AASDH: variants seen among roughly 807,000 people sequenced by gnomAD.
AASDH encodes the protein aminoadipate-semialdehyde dehydrogenase.
A neutral mutation model predicts 102.3 loss-of-function variants in AASDH; 81 were observed. That is an observed-to-expected ratio of 0.79 (90% CI 0.66 to 0.95). The LOEUF (loss-of-function observed/expected upper bound fraction) is 0.95. Among genes scored for constraint, AASDH ranks in the 40% least tolerant of loss-of-function variants. The probability of loss-of-function intolerance (pLI) is 0.00; values close to 1 mark genes in which losing one functional copy is unlikely to be tolerated. For synonymous variants in AASDH, 398 were observed against 454.0 expected, an observed-to-expected ratio of 0.88 and a Z score of 1.57; for missense variants, 1,203 against 1,266.2, an observed-to-expected ratio of 0.95 and a Z score of 0.76.
At chr4:56,363,621 T>G (rs935143002) in intron 5 of AASDH, among the ~76,000 whole-genome samples, 5 of 152,116 alleles carry the variant, frequency 3.3e-5, no homozygotes, top group Admixed American at 6.5e-5. Context: ...GGGTCTGGAG[T>G]GGACCTCCAG....
intron 1 of AASDH, among the ~76,000 whole-genome samples, 170 bp from the exon 2 acceptor site, chr4:56,384,511 GGTTGAAAATTAACTT>G (rs1231049950): frequency 1.3e-5 from 2 of 152,088 alleles, no homozygotes; most frequent in African/African-American, 4.8e-5. Context: ...AGGACAATGA[GGTTGAAAATTAACTT>G]GATACATCAA....
chr4:56,350,004 A>G lies in AASDH; in HGVS notation c.1747T>C (p.Leu583=). The G allele has an allele frequency of 6.2e-7, 1 of 1,610,070 alleles. No homozygotes were observed. Among genetic ancestry groups the G allele is most frequent in the Non-Finnish European group, 8.5e-7 (1 of 1,179,770 alleles). Residue 583 remains leucine, a synonymous_variant, in exon 11 of 15, where the codon TTA becomes CTA. Coordinates refer to ENST00000205214, the MANE Select transcript of AASDH (RefSeq NM_181806.4). ...TTTAAGGAATCTCCACCACTATTTA[A>G]GAAGAGTGACTCATCAGGAACCCTC... ...LLRVPDESLF[L]NSGGDSLKSI... is the part of the protein sequence containing the mutation.
At chr4:56,380,143 G>A (rs55778537) in intron 3 of AASDH, among the ~76,000 whole-genome samples, 1 of 152,076 alleles carries the variant, frequency 6.6e-6, no homozygotes, top group Non-Finnish European at 1.5e-5. Flanking sequence ...GTTAGAAAGG[G>A]TCTATGAGCA....
chr4:56,345,980 A>C (rs1368353953), intron 11 of AASDH, among the ~76,000 whole-genome samples: 1 of 152,248 alleles, frequency 6.6e-6, no homozygotes, highest in Admixed American at 6.5e-5. Flanking sequence ...TTTGAATCTA[A>C]GAAGTCAATC....
intron 5 of AASDH, among the ~76,000 whole-genome samples, chr4:56,369,009 T>C (rs1751377971): frequency 6.6e-6 from 1 of 152,106 alleles, no homozygotes; most frequent in Non-Finnish European, 1.5e-5. Flanking sequence ...TGTCAGCTTC[T>C]ATACCTCTCC....
At chr4:56,359,625 C>G (rs931644423) in intron 5 of AASDH, among the ~76,000 whole-genome samples, 2 of 150,858 alleles carry the variant, frequency 1.3e-5, no homozygotes, top group African/African-American at 4.9e-5. Flanking sequence ...GTGGCACAAT[C>G]TTGGCTCACT....
intron 14 of AASDH, among the ~76,000 whole-genome samples, chr4:56,339,830 A>AGG (rs1560558971): frequency 1.3e-5 from 2 of 151,288 alleles, no homozygotes; most frequent in Non-Finnish European, 2.9e-5. Context: ...TGTAGGAAAA[A>AGG]AGTTAATTGT....
intron 5 of AASDH, among the ~76,000 whole-genome samples, chr4:56,363,159 GGCA>G (rs1360857477): frequency 1.3e-5 from 2 of 152,238 alleles, no homozygotes; most frequent in East Asian, 3.9e-4. Flanking sequence ...ACCGCAAGGC[GGCA>G]GCGAGGCTGG....
intron 11 of AASDH, among the ~76,000 whole-genome samples, chr4:56,345,914 CAGAG>C (rs1222126198): frequency 6.6e-6 from 1 of 152,148 alleles, no homozygotes; most frequent in Admixed American, 6.5e-5. Flanking sequence ...AATTGAAGCA[CAGAG>C]AGACTAAATT....
chr4:56,358,572 T>G (rs1447113975), intron 5 of AASDH, among the ~76,000 whole-genome samples: 1 of 151,748 alleles, frequency 6.6e-6, no homozygotes, highest in Non-Finnish European at 1.5e-5. Context: ...GGGTGTTAGA[T>G]TTTGCCAAAT....
intron 14 of AASDH, among the ~76,000 whole-genome samples, chr4:56,342,348 C>G (rs1747804024): frequency 1.3e-5 from 2 of 152,220 alleles, no homozygotes; most frequent in South Asian, 2.1e-4. Flanking sequence ...ATGGACACCA[C>G]AAACACCCTG....
intron 14 of AASDH, among the ~76,000 whole-genome samples, chr4:56,342,116 AAAAAAAAAAAAAAAAAAAG>A (rs1479802274): frequency 1.1e-4 from 7 of 63,088 alleles, no homozygotes. Flanking sequence ...GTCTCAAAAA[AAAAAAAAAAAAAAAAAAAG>A]AAGTTGGGGT....
At chr4:56,355,552 A>C (rs1279363300) in intron 5 of AASDH, 129 bp from the exon 6 acceptor site, 1 of 821,054 alleles carries the variant, frequency 1.2e-6, no homozygotes, top group Non-Finnish European at 1.8e-6. Flanking sequence ...ATCAAATGGG[A>C]AATCCCATTT....
Position 56,378,308 on chromosome 4 carries a change from T to C in AASDH, c.508A>G (p.Ile170Val). The C allele has an allele frequency of 6.2e-7, 1 of 1,614,206 alleles. No individual in the cohort carries two copies. Among genetic ancestry groups the C allele is most frequent in the Non-Finnish European group, 8.5e-7 (1 of 1,180,040 alleles). Residue 170 changes from isoleucine to valine, a missense_variant, in exon 4 of 15, where the codon ATA (isoleucine) becomes GTA (valine). By Grantham distance (29) the Ile-to-Val change is conservative. Transcript: ENST00000205214. Reference protein sequence around the residue: ...EKYEKEKIKSISSEHVNEEKA... With the variant: ...EKYEKEKIKSVSSEHVNEEKA... ...TCTTCATTGACATGCTCAGAACTTA[T>C]GCTTTTTATTTTTTCTTTTTCATAT...
chr4:56,342,895 C>G lies in AASDH; in HGVS notation c.2847G>C (p.Gln949His). Reference protein sequence around the residue: ...PLFSSPQCCSQYICIGCVDGN... With the variant: ...PLFSSPQCCSHYICIGCVDGN... ...CATCTACACAGCCAATACAAATATA[C>G]TGTGAGCAACATTGTGGGGAAGAGA... Residue 949 changes from glutamine (Q) to histidine (H), a missense_variant, in exon 14 of 15, where the codon CAG (glutamine) becomes CAC (histidine). Gln to His is a conservative substitution (Grantham distance 24, BLOSUM62 0). Transcript: ENST00000205214. The G allele has an allele frequency of 6.3e-7, 1 of 1,590,510 alleles. No homozygotes were observed. Among genetic ancestry groups the G allele is most frequent in the Non-Finnish European group, 8.6e-7 (1 of 1,168,510 alleles).
chr4:56,360,689 G>A (rs116359160), intron 5 of AASDH, among the ~76,000 whole-genome samples: 1 of 151,782 alleles, frequency 6.6e-6, no homozygotes, highest in Non-Finnish European at 1.5e-5. Flanking sequence ...CTCTTCACTT[G>A]GCCAGAGCCA....
intron 5 of AASDH, among the ~76,000 whole-genome samples, chr4:56,364,834 C>A (rs953056436): frequency 6.6e-6 from 1 of 152,184 alleles, no homozygotes; most frequent in Non-Finnish European, 1.5e-5. Flanking sequence ...AACCAGCTAA[C>A]ATCATAATGA....
intron 10 of AASDH, 25 bp downstream of exon 10, chr4:56,351,317 T>C (rs1284512540): frequency 4.3e-6 from 6 of 1,407,864 alleles, no homozygotes; most frequent in Non-Finnish European, 6.0e-6. Flanking sequence ...TTTATAATAA[T>C]AATTTTATAA....
At chr4:56,385,601 AGTTTTTGTTT>A (rs1321790533) in intron 1 of AASDH, among the ~76,000 whole-genome samples, 3 of 151,888 alleles carry the variant, frequency 2.0e-5, no homozygotes, top group African/African-American at 7.3e-5. Context: ...GCTTCAGTAA[AGTTTTTGTTT>A]GTTTTTGTGA....
Sources: allele counts gnomAD v4.1 joint callset (sites outside exome capture counted in the v4.1 genomes callset), GRCh38; gene constraint gnomAD v4.1.1; transcripts MANE v1.5; gene names NCBI Gene and HGNC (gene_info 2026-07-23, HGNC 2026-07-21).